The following MYO1C variants were observed in gnomAD, a reference collection of about 807,000 sequenced individuals.
MYO1C encodes the protein myosin IC, also known as unconventional myosin-Ic.
Under a neutral mutation model 150.8 loss-of-function variants are expected in MYO1C, and 104 were observed. The ratio of observed to expected loss-of-function variants is 0.69; its 90% CI spans 0.59 to 0.81. The LOEUF is 0.81. MYO1C is among the 30% of genes least tolerant of loss of function. The pLI is 0.00. For missense variants in MYO1C, 1,504 were observed against 1,435.0 expected (o/e 1.05, Z -0.78); for synonymous variants, 663 against 579.9 (o/e 1.14, Z -2.06).
In MYO1C at chr17:1,478,121, G is replaced by C; in HGVS notation, c.1367C>G (p.Ser456Trp). The change falls in exon 12 of 32, where the codon TCG becomes TGG. Residue 456 changes from serine (S) to tryptophan (W), a missense_variant. Transcript: ENST00000648651. The surrounding 1 kb of genome is among the most constrained non-coding windows in gnomAD (Gnocchi z 6.3). ...CTCTGCCTCGTACTCCTCCTGCTCC[G>C]ACTTGAGCGTGAGCTCGATGAAGAG... The part of the protein sequence containing the change: ...QQLFIELTLK[S>W]EQEEYEAEGI... 4 of 1,614,080 alleles carry C rather than the reference G, an allele frequency of 2.5e-6. No homozygotes were observed. The highest frequency in any genetic ancestry group is 3.4e-6 in the Non-Finnish European group (4 of 1,180,042).
chr17:1,488,010 G>A (rs555885988), intron 1 of MYO1C, among the ~76,000 whole-genome samples: 1 of 152,186 alleles, frequency 6.6e-6, no homozygotes, highest in South Asian at 2.1e-4. Context: ...CCTAGAAGAC[G>A]GGGTAGAGGG....
chr17:1,485,946 G>A (rs902288675), intron 1 of MYO1C: 1 of 156,540 alleles, frequency 6.4e-6, no homozygotes, highest in Non-Finnish European at 1.4e-5. Flanking sequence ...CGGGCCGGGG[G>A]CGGGGGCGGG....
intron 25 of MYO1C, chr17:1,469,111 G>A (rs2074241292): frequency 3.1e-6 from 1 of 323,792 alleles, no homozygotes. Context: ...GGTAAATACG[G>A]TAGACTAGGG....
At chr17:1,491,457 C>CCA (rs1567539610) in intron 1 of MYO1C, 1 of 250,518 alleles carries the variant, frequency 4.0e-6, no homozygotes, top group African/African-American at 2.3e-5. Flanking sequence ...ACCCCCCCCC[C>CCA]CCGCACGGGT....
At position 1,479,498 on chromosome 17, in the gene MYO1C, A is replaced by C; in HGVS notation, c.1025T>G (p.Leu342Arg). ...ENQLKYLTRL[L>R]SVEGSTLREA... is the part of the protein sequence containing the mutation. ...TCGCAGCGTCGAGCCTTCCACGCTG[A>C]GGAGCTGCCAAGGGCAGGCGAGGAC... Residue 342 changes from leucine to arginine, a missense_variant, in exon 9 of 32, where the codon CTC (leucine) becomes CGC (arginine). By Grantham distance (102) the Leu-to-Arg change is moderately radical (BLOSUM62 -2). Transcript: ENST00000648651. This position sits in a 1 kb window ranked among gnomAD's most constrained non-coding sequence, Gnocchi z 4.2. 6.6e-7 allele frequency: 1 copy of C among 1,519,170 alleles called. No individual in the cohort carries two copies. Among genetic ancestry groups the C allele is most frequent in the Non-Finnish European group, 9.0e-7 (1 of 1,116,918 alleles). 94.1% of individuals were successfully genotyped at this position (1,519,170 alleles called of 1,614,324 possible).
intron 3 of MYO1C, 27 bp from the exon 4 acceptor site, chr17:1,483,086 T>A (rs1567532587): frequency 6.4e-7 from 1 of 1,567,964 alleles, no homozygotes; most frequent in East Asian, 2.3e-5. Flanking sequence ...TCAGGGAGTT[T>A]GGGGAGGGGG....
chr17:1,472,066 C>G, intron 18 of MYO1C, 42 bp from the exon 19 acceptor site: 1 of 1,608,734 alleles, frequency 6.2e-7, no homozygotes, highest in Non-Finnish European at 8.5e-7. Context: ...CTGGCGCTGA[C>G]GGCCTGTCTC....
At chr17:1,471,756 G>A (rs2074307907) in intron 19 of MYO1C, 151 bp downstream of exon 19, 8 of 838,598 alleles carry the variant, frequency 9.5e-6, no homozygotes, top group South Asian at 3.0e-5. Context: ...TGTCAGGACC[G>A]CAGCACCAAG....
At chr17:1,477,644 G>A in intron 13 of MYO1C, 48 bp from the exon 14 acceptor site, 2 of 1,448,850 alleles carry the variant, frequency 1.4e-6, no homozygotes, top group Non-Finnish European at 1.9e-6. Flanking sequence ...ACAGGTCAGA[G>A]CGCACAGAGG....
chr17:1,478,477 T>G lies in MYO1C; in HGVS notation c.1228A>C (p.Ser410Arg). 1 of 1,614,170 alleles carries G rather than the reference T, an allele frequency of 6.2e-7. No individual in the cohort carries two copies. Among genetic ancestry groups the G allele is most frequent in the East Asian group, 2.2e-5 (1 of 44,886 alleles). ...CCGAGAACCGTGGTGCTCCGCCAGCTGGGGCTCTCCACGTCCTAGGGCAGT... is the reference window on the plus strand; with the variant it reads ...CCGAGAACCGTGGTGCTCCGCCAGCGGGGGCTCTCCACGTCCTAGGGCAGT... ...SLASKDVESP[S>R]WRSTTVLGLL... Residue 410 changes from serine to arginine, a missense_variant, in exon 11 of 32, where the codon AGC becomes CGC. Physicochemically the swap from Ser to Arg is moderately radical, Grantham distance 110. Coordinates refer to ENST00000648651, the MANE Select transcript of MYO1C (RefSeq NM_001080779.2). This position sits in a 1 kb window ranked among gnomAD's most constrained non-coding sequence, Gnocchi z 6.3.
chr17:1,464,509 G>A lies in MYO1C; in HGVS notation c.*1217C>T, dbSNP rs1054366476. On this transcript the variant is annotated 3_prime_UTR_variant, in exon 32 of 32. Coordinates refer to ENST00000648651, the MANE Select transcript of MYO1C (RefSeq NM_001080779.2). The stretch of plus-strand genomic sequence containing the variant: ...CGCTTTTCCCACCTGGTGGCTCCCA[G>A]GGCCGATTGCTGGTCAAGGAGCCAG... 1 of 152,778 alleles carries A rather than the reference G, an allele frequency of 6.5e-6. No individual in the cohort carries two copies. The highest frequency in any genetic ancestry group is 6.5e-5 in the Admixed American group (1 of 15,290). 9.5% of individuals were successfully genotyped at this position (152,778 alleles called of 1,614,324 possible). A position where few individuals can be genotyped will look rare whatever the true frequency, so the allele number is the denominator to read the frequency against.
chr17:1,474,666 T>A lies in MYO1C; in HGVS notation c.1741A>T (p.Ile581Phe). 3 of 1,613,982 alleles carry A rather than the reference T, an allele frequency of 1.9e-6. No homozygotes were observed. Among genetic ancestry groups the A allele is most frequent in the Non-Finnish European group, 2.5e-6 (3 of 1,179,936 alleles). The change falls in exon 17 of 32, where the codon ATT (isoleucine) becomes TTT (phenylalanine). Residue 581 changes from isoleucine to phenylalanine, a missense_variant. Coordinates refer to ENST00000648651, the MANE Select transcript of MYO1C (RefSeq NM_001080779.2). The stretch of plus-strand genomic sequence containing the variant: ...CTCCGGTCAAAGCACTGGCTCATAA[T>A]GGGATTCTTTGAGCTACACATGGTC... Reference protein sequence around the residue: ...KETMCSSKNPIMSQCFDRSEL... With the variant: ...KETMCSSKNPFMSQCFDRSEL...
intron 1 of MYO1C, chr17:1,492,165 G>A (rs2074742622): frequency 7.3e-6 from 4 of 550,670 alleles, no homozygotes; most frequent in Non-Finnish European, 1.3e-5. Context: ...TCACGGTTCT[G>A]CCCACTGAGG....
intron 13 of MYO1C, 65 bp downstream of exon 13, chr17:1,477,826 C>T (rs948882887): frequency 1.2e-4 from 174 of 1,457,064 alleles, no homozygotes; most frequent in Admixed American, 1.5e-4. Context: ...CTGGAGAGAA[C>T]GGAGAAGGGG....
At chr17:1,477,731 C>T (rs1301935367) in intron 13 of MYO1C, 135 bp from the exon 14 acceptor site, 8 of 994,258 alleles carry the variant, frequency 8.0e-6, no homozygotes, top group South Asian at 1.3e-5. Flanking sequence ...GAGCTTCCAA[C>T]TGGGGCGGCA....
chr17:1,491,756 CCCGCCCCGCCTCAGCCCCGG>C (rs921168398), intron 1 of MYO1C: 58 of 616,818 alleles, frequency 9.4e-5, no homozygotes, highest in Non-Finnish European at 1.1e-4. Context: ...CCGGCCCCGC[CCCGCCCCGCCTCAGCCCCGG>C]CCGCGTCCGC....
chr17:1,484,327 AG>A, intron 1 of MYO1C, 24 bp from the exon 2 acceptor site: 1 of 1,606,434 alleles, frequency 6.2e-7, no homozygotes, highest in Non-Finnish European at 8.5e-7. Context: ...GCCACAGAAG[AG>A]GGTCAGAGTC....
chr17:1,474,561 GCA>G (rs1555520694), intron 17 of MYO1C, 47 bp downstream of exon 17: 1 of 1,585,016 alleles, frequency 6.3e-7, no homozygotes, highest in Non-Finnish European at 8.6e-7. Context: ...AGGCCCTCAT[GCA>G]CACTCAGGCG....
At position 1,471,055 on chromosome 17, in the gene MYO1C, T is replaced by A. The variant is rs376060118; in HGVS notation, c.2212+16A>T. 367 of 1,612,638 alleles carry A rather than the reference T, an allele frequency of 2.3e-4. No individual in the cohort carries two copies. Among genetic ancestry groups the A allele is most frequent in the Non-Finnish European group, 3.0e-4 (353 of 1,178,910 alleles). ...AAGGGACCCCGTGCAGCAGGAAGGG[T>A]AGGCCTCTCTCTCACCCAGGCTCTG... On this transcript the variant is annotated intron_variant, in intron 21 of 31. Transcript: ENST00000648651.
Sources: allele counts gnomAD v4.1 joint callset (sites outside exome capture counted in the v4.1 genomes callset), GRCh38; gene constraint gnomAD v4.1.1; non-coding constraint Gnocchi (gnomAD v3.1); transcripts MANE v1.5; gene names NCBI Gene and HGNC (gene_info 2026-07-23, HGNC 2026-07-21).